ACAP2: variants seen among roughly 807,000 people sequenced by gnomAD.
ACAP2 encodes the protein arf-GAP with coiled-coil, ANK repeat and PH domain-containing protein 2.
A neutral mutation model predicts 115.8 loss-of-function variants in ACAP2; 39 were observed. The ratio of observed to expected loss-of-function variants is 0.34; its 90% CI spans 0.26 to 0.44. The LOEUF is 0.44. Among genes scored for constraint, ACAP2 ranks in the 20% least tolerant of loss-of-function variants. The probability of loss-of-function intolerance (pLI) is 1.00; values close to 1 mark genes in which losing one functional copy is unlikely to be tolerated. For synonymous variants in ACAP2, 289 were observed against 315.8 expected (o/e 0.92, Z 0.90); for missense variants, 662 against 927.6 (o/e 0.71, Z 3.72).
intron 12 of ACAP2, 69 bp from the exon 13 acceptor site, chr3:195,306,685 AT>A (rs1316027747): frequency 2.7e-6 from 3 of 1,122,734 alleles, no homozygotes; most frequent in Non-Finnish European, 1.3e-6. Flanking sequence ...TAAGCTTTAT[AT>A]TTTTTCCACT....
At chr3:195,332,768 C>A (rs1009489840) in intron 8 of ACAP2, among the ~76,000 whole-genome samples, 6 of 152,176 alleles carry the variant, frequency 3.9e-5, no homozygotes, top group African/African-American at 1.4e-4. Flanking sequence ...CTCCTGCGTT[C>A]ATTCTCCCCT....
chr3:195,419,083 G>A (rs528035177), intron 1 of ACAP2, among the ~76,000 whole-genome samples: 265 of 152,004 alleles, frequency 1.7e-3, no homozygotes, highest in African/African-American at 6.2e-3. Context: ...CTGCCTTATC[G>A]AGACAAAATT....
rs906311124 is a variant in ACAP2 at position 195,341,474 on chromosome 3, G to A, written c.528+997C>T. Among the ~76,000 whole-genome samples, 17 of 151,846 alleles carry A rather than the reference G, an allele frequency of 1.1e-4. 1 individual carries two copies. The highest frequency in any genetic ancestry group is 1.7e-4 in the African/African-American group (7 of 41,318). On this transcript the variant is annotated intron_variant, in intron 6 of 22. Coordinates refer to ENST00000326793, the MANE Select transcript of ACAP2 (RefSeq NM_012287.6). ...CGAGTAGCTGGGACTGCAGGCGCCC[G>A]CCACCACGCCCAGCTAATTTTTTGT...
chr3:195,321,686 T>C (rs187038653), intron 9 of ACAP2, among the ~76,000 whole-genome samples: 1 of 151,616 alleles, frequency 6.6e-6, no homozygotes, highest in Non-Finnish European at 1.5e-5. Context: ...CAATCTCAGC[T>C]CACTGCAACC....
chr3:195,375,021 A>T (rs1306052124), intron 4 of ACAP2, among the ~76,000 whole-genome samples: 4 of 151,774 alleles, frequency 2.6e-5, no homozygotes, highest in Non-Finnish European at 5.9e-5. Flanking sequence ...GTAAAACCCC[A>T]TCTCTACTAA....
chr3:195,319,352 G>C (rs987722700), intron 10 of ACAP2, among the ~76,000 whole-genome samples: 10 of 152,324 alleles, frequency 6.6e-5, no homozygotes, highest in African/African-American at 1.7e-4. Context: ...TTTGAGAAGA[G>C]GGCCACCATC....
rs188277898 is a variant in ACAP2 at position 195,296,371 on chromosome 3, T to C, written c.1488-479A>G. Among the ~76,000 whole-genome samples, 50 of 152,276 alleles carry C rather than the reference T, an allele frequency of 3.3e-4. 1 individual carries two copies. The East Asian group carries it at 8.9e-3, about 27-fold the overall frequency. On this transcript the variant is annotated intron_variant, in intron 16 of 22. Coordinates refer to ENST00000326793, the MANE Select transcript of ACAP2 (RefSeq NM_012287.6). ...AGCATTATTAATTTAAGAAATAAAA[T>C]AAACTTGTAACTTATGATACCATTA...
rs764421378 is a variant in ACAP2 at position 195,302,173 on chromosome 3, T to C, written c.1118A>G (p.Lys373Arg). 6 of 1,608,590 alleles carry C rather than the reference T, an allele frequency of 3.7e-6. No individual in the cohort carries two copies. The Admixed American group carries it at 5.1e-5, about 14-fold the overall frequency. Residue 373 changes from lysine (K) to arginine (R), a missense_variant and splice_region_variant, in exon 14 of 23, where the codon AAG becomes AGG. Around this residue, in one of 3 missense-constraint regions of ACAP2, gnomAD observed 401 missense variants for 604.4 expected, o/e 0.66. Transcript: ENST00000326793. ...AYREKGDESE[K>R]LDKKSSPSTG... Reference sequence around the variant, plus strand: ...GGATGGAGATGATTTCTTATCCAGCTTCTAAAAGAATTAAGAATTACTTGT... The same window carrying C: ...GGATGGAGATGATTTCTTATCCAGCCTCTAAAAGAATTAAGAATTACTTGT...
intron 4 of ACAP2, among the ~76,000 whole-genome samples, chr3:195,354,451 T>C (rs549410108): frequency 1.3e-5 from 2 of 152,352 alleles, no homozygotes; most frequent in African/African-American, 2.4e-5. Flanking sequence ...GAGCTTTTTT[T>C]ATATGAGTGT....
At chr3:195,390,222 C>T (rs2108768954) in intron 2 of ACAP2, among the ~76,000 whole-genome samples, 1 of 152,078 alleles carries the variant, frequency 6.6e-6, no homozygotes, top group African/African-American at 2.4e-5. Context: ...GGGGTTCTAG[C>T]CCTGGTTGTG....
intron 4 of ACAP2, among the ~76,000 whole-genome samples, chr3:195,373,171 T>A (rs1288298702): frequency 6.6e-6 from 1 of 151,852 alleles, no homozygotes; most frequent in Non-Finnish European, 1.5e-5. Flanking sequence ...GTGGCTCACA[T>A]CTGTAATTCC....
intron 22 of ACAP2, among the ~76,000 whole-genome samples, chr3:195,280,458 C>T (rs1437428104): frequency 1.3e-5 from 2 of 151,682 alleles, no homozygotes; most frequent in Non-Finnish European, 2.9e-5. Context: ...GGCAACAGAG[C>T]GAGACTCTGT....
chr3:195,433,375 G>A (rs953036606), intron 1 of ACAP2, among the ~76,000 whole-genome samples: 1 of 152,168 alleles, frequency 6.6e-6, no homozygotes, highest in Non-Finnish European at 1.5e-5. Context: ...TACAAAGGCT[G>A]ATTGTACAAG....
chr3:195,297,129 A>G, intron 16 of ACAP2, 61 bp downstream of exon 16: 3 of 1,400,368 alleles, frequency 2.1e-6, no homozygotes, highest in Non-Finnish European at 3.0e-6. Flanking sequence ...ATCAATTACT[A>G]CAGTGAAATA....
At chr3:195,405,521 A>G (rs1712690277) in intron 1 of ACAP2, among the ~76,000 whole-genome samples, 1 of 152,070 alleles carries the variant, frequency 6.6e-6, no homozygotes, top group South Asian at 2.1e-4. Context: ...CCCCATCTCT[A>G]TTAAAAATAC....
intron 6 of ACAP2, among the ~76,000 whole-genome samples, chr3:195,339,670 T>G (rs1730743277): frequency 2.0e-5 from 3 of 151,790 alleles, no homozygotes; most frequent in Non-Finnish European, 4.4e-5. Context: ...ATAATTCCCA[T>G]CAGAAAAATC....
intron 18 of ACAP2, among the ~76,000 whole-genome samples, chr3:195,293,977 CA>C (rs532867055): frequency 1.8e-3 from 253 of 137,330 alleles, no homozygotes; most frequent in African/African-American, 2.7e-3. Flanking sequence ...ACTAAAAATA[CA>C]AAAAAAAAAA....
chr3:195,442,716 G>A, intron 1 of ACAP2, 79 bp downstream of exon 1: 2 of 1,449,418 alleles, frequency 1.4e-6, no homozygotes, highest in Non-Finnish European at 1.9e-6. Context: ...GGCCTCCTCC[G>A]GGTGCGCGGG....
At chr3:195,436,078 T>C (rs1715515997) in intron 1 of ACAP2, among the ~76,000 whole-genome samples, 1 of 151,426 alleles carries the variant, frequency 6.6e-6, no homozygotes, top group Non-Finnish European at 1.5e-5. Flanking sequence ...GACCCTTTTA[T>C]TTTTATACAC....
Sources: gnomAD v4.1 joint callset for allele counts (sites outside exome capture counted in the v4.1 genomes callset) on GRCh38, gnomAD v4.1.1 for gene constraint, gnomAD v4.1.1 regional missense constraint, MANE v1.5 for transcripts, NCBI Gene and HGNC (gene_info 2026-07-23, HGNC 2026-07-21) for gene names.